Variants in MAST1 observed in about 807,000 individuals in gnomAD.
MAST1 encodes the protein microtubule-associated serine/threonine-protein kinase 1.
In MAST1, 40 loss-of-function variants were observed where a neutral mutation model predicts 124.6. The ratio of observed to expected loss-of-function variants is 0.32; its 90% CI spans 0.25 to 0.42. The LOEUF is 0.42. Ranked by LOEUF, MAST1 falls within the 10% of genes least tolerant of loss-of-function variation. The probability of loss-of-function intolerance (pLI) is 1.00; values close to 1 mark genes in which losing one functional copy is unlikely to be tolerated. For missense variants in MAST1, 1,558 were observed against 2,181.9 expected (o/e 0.71, Z 5.70); for synonymous variants, 938 against 939.4 (o/e 1.00, Z 0.03).
At position 12,858,924 on chromosome 19, in the gene MAST1, GGTTT is replaced by G. The variant is rs1393438374; in HGVS notation, c.1366+186_1366+189del. 6.3e-6 allele frequency: 4 copies of G among 630,542 alleles called. No homozygotes were observed. In the African/African-American group the frequency reaches 7.4e-5, roughly 12 times the overall value. 39.1% of individuals were successfully genotyped at this position (630,542 alleles called of 1,614,324 possible). ...CTATATATTTATTCAGTCATCTATT[GGTTT>G]ATTTGTTTTTCATTTCATTCAGCAT... On this transcript the variant is annotated intron_variant, in intron 12 of 25. Coordinates refer to ENST00000251472, the MANE Select transcript of MAST1 (RefSeq NM_014975.3).
chr19:12,863,917 C>T (rs577333017), intron 12 of MAST1, among the ~76,000 whole-genome samples: 19 of 141,746 alleles, frequency 1.3e-4, no homozygotes, highest in Admixed American at 5.9e-4. Context: ...CTCGTTTCTA[C>T]AAAAAACTTT....
Position 12,874,878 on chromosome 19 carries a change from G to A in MAST1, c.*8G>A, listed in dbSNP as rs751856473. On this transcript the variant is annotated 3_prime_UTR_variant, in exon 26 of 26. Transcript: ENST00000251472. This position sits in a 1 kb window ranked among gnomAD's most constrained non-coding sequence, Gnocchi z 6.6. ...GCACCCCCGGGACCATAGCCAAGGGGGTCATCGGCCCCGCGCTGTACAGCC... is the reference window on the plus strand; with the variant it reads ...GCACCCCCGGGACCATAGCCAAGGGAGTCATCGGCCCCGCGCTGTACAGCC... 20 of 1,592,942 alleles carry A rather than the reference G, an allele frequency of 1.3e-5. No individual in the cohort carries two copies. The South Asian group carries it at 1.9e-4, about 15-fold the overall frequency.
intron 24 of MAST1, among the ~76,000 whole-genome samples, chr19:12,871,379 C>A (rs893791734): frequency 6.6e-6 from 1 of 152,116 alleles, no homozygotes; most frequent in African/African-American, 2.4e-5. Context: ...GAGGCCGAGG[C>A]GGGCAGATCA....
chr19:12,838,590 G>A lies in MAST1; in HGVS notation c.18G>A (p.Trp6Ter), dbSNP rs754549142. 2 of 1,609,392 alleles carry A rather than the reference G, an allele frequency of 1.2e-6. No individual in the cohort carries two copies. Among genetic ancestry groups the A allele is most frequent in the Non-Finnish European group, 1.7e-6 (2 of 1,178,428 alleles). ...GCCGGGTCATGTCTGACTCTCTCTG[G>A]ACCGCGCTTTCTAATTTCTCGATGC... is the stretch of plus-strand genomic sequence containing the variant. MSDSL[W>*]TALSNFSMPS... The change falls in exon 1 of 26, where the codon TGG becomes TGA. Residue 6 changes from tryptophan to a stop codon, truncating the protein, a stop_gained. Transcript: ENST00000251472. LOFTEE classifies it high-confidence loss of function. This position sits in a 1 kb window ranked among gnomAD's most constrained non-coding sequence, Gnocchi z 4.3.
rs1970156555 is a variant in MAST1, at chr19:12,866,557, T to C, written c.2030-96T>C. 1.3e-6 allele frequency: 1 copy of C among 795,582 alleles called. No individual in the cohort carries two copies. The highest frequency in any genetic ancestry group is 1.6e-5 in the South Asian group (1 of 64,142). 49.3% of individuals were successfully genotyped at this position (795,582 alleles called of 1,614,324 possible). The stretch of plus-strand genomic sequence containing the variant: ...CAGGGGCGTGGCCTGACCTGAAGAC[T>C]TGTAAACCCGTCTTGAACCAGGACT... On this transcript the variant is annotated intron_variant, in intron 17 of 25. Coordinates refer to ENST00000251472, the MANE Select transcript of MAST1 (RefSeq NM_014975.3). This position sits in a 1 kb window ranked among gnomAD's most constrained non-coding sequence, Gnocchi z 5.2.
rs1166713060 is a variant in MAST1, at chr19:12,865,757, G to A, written c.1845G>A (p.Thr615=). ...CCGAGGGGGATGAGGCCCTACCTAC[G>A]GAGGCCCAACTCCTCATATCCAGCC... ...LWPEGDEALP[T]EAQLLISSLL... is the part of the protein sequence containing the mutation. The change falls in exon 16 of 26, where the codon ACG becomes ACA. Residue 615 remains threonine, a synonymous_variant. Transcript: ENST00000251472. This position sits in a 1 kb window ranked among gnomAD's most constrained non-coding sequence, Gnocchi z 7.1. 3 of 1,613,784 alleles carry A rather than the reference G, an allele frequency of 1.9e-6. No individual in the cohort carries two copies. Among genetic ancestry groups the A allele is most frequent in the Non-Finnish European group, 8.5e-7 (1 of 1,179,856 alleles).
intron 10 of MAST1, among the ~76,000 whole-genome samples, chr19:12,856,102 T>C (rs1344649878): frequency 6.6e-6 from 1 of 152,174 alleles, no homozygotes; most frequent in Non-Finnish European, 1.5e-5. Context: ...ATTTTTAGGC[T>C]ACATTCTTTG....
chr19:12,852,202 C>T lies in MAST1; in HGVS notation c.964C>T (p.Arg322Cys), dbSNP rs1277122500. The T allele has an allele frequency of 5.0e-6, 8 of 1,614,130 alleles. No individual in the cohort carries two copies. The highest frequency in any genetic ancestry group is 2.2e-5 in the East Asian group (1 of 44,884). ...CCACCTTGTGAAGACGGACATCCCC[C>T]GCTACATCATCCGCCAGCTGGGCCT... ...EGHLVKTDIPRYIIRQLGLTR... is the reference protein window; with the variant it reads ...EGHLVKTDIPCYIIRQLGLTR... The change falls in exon 9 of 26, where the codon CGC (arginine) becomes TGC (cysteine). Residue 322 changes from arginine (R) to cysteine (C), a missense_variant. Around this residue, in one of 10 missense-constraint regions of MAST1, gnomAD observed 136 missense variants for 160.9 expected, o/e 0.85. Transcript: ENST00000251472.
chr19:12,850,352 T>C (rs564646048), intron 7 of MAST1, among the ~76,000 whole-genome samples: 15 of 152,204 alleles, frequency 9.9e-5, no homozygotes, highest in African/African-American at 2.9e-4. Flanking sequence ...ACCCTGTCTC[T>C]ACAGTAAAAC....
chr19:12,847,283 T>C lies in MAST1; in HGVS notation c.328-7T>C. On this transcript the variant is annotated splice_region_variant and splice_polypyrimidine_tract_variant and intron_variant, in intron 4 of 25. Coordinates refer to ENST00000251472, the MANE Select transcript of MAST1 (RefSeq NM_014975.3). This position sits in a 1 kb window ranked among gnomAD's most constrained non-coding sequence, Gnocchi z 5.5. ...GGCTCTGACCCCGGCCCTGCCCCTG[T>C]CCCCAGTCCTCCTGCTCCTCCCAGG... 2 of 1,607,752 alleles carry C rather than the reference T, an allele frequency of 1.2e-6. No homozygotes were observed. Among genetic ancestry groups the C allele is most frequent in the Non-Finnish European group, 1.7e-6 (2 of 1,175,612 alleles).
intron 22 of MAST1, among the ~76,000 whole-genome samples, 164 bp downstream of exon 22, chr19:12,869,459 G>A (rs1293912380): frequency 6.6e-6 from 1 of 152,034 alleles, no homozygotes; most frequent in Non-Finnish European, 1.5e-5. Context: ...ATTTTAGGCG[G>A]AGACTCACTG....
At chr19:12,867,453 G>T (rs1362097515) in intron 18 of MAST1, 21 bp from the exon 19 acceptor site, 1 of 1,611,944 alleles carries the variant, frequency 6.2e-7, no homozygotes, top group Admixed American at 1.7e-5. Context: ...GGCTGGACTT[G>T]CCTCCCACCA....
At chr19:12,857,969 T>TACACTCC (rs1478188286) in intron 10 of MAST1, among the ~76,000 whole-genome samples, 1 of 116,404 alleles carries the variant, frequency 8.6e-6, no homozygotes, top group Non-Finnish European at 1.6e-5. Flanking sequence ...TGAGCACCAC[T>TACACTCC]ACACTCCAGT....
At chr19:12,845,655 T>TA (rs1054899077) in intron 4 of MAST1, among the ~76,000 whole-genome samples, 14 of 146,074 alleles carry the variant, frequency 9.6e-5, no homozygotes, top group African/African-American at 3.5e-4. Flanking sequence ...CCCAGCAATT[T>TA]TTTTTTTTTT....
rs552930455 is a variant in MAST1, at chr19:12,848,462, A to G, written c.774+405A>G. 1.1e-4 allele frequency: 20 copies of G among 180,042 alleles called. No homozygotes were observed. The East Asian group carries it at 3.0e-3, about 27-fold the overall frequency. The allele number at this position is 180,042 out of a possible 1,614,324, so 11.2% of individuals were successfully genotyped here. ...GTGACACCCCGTCTCTACTAAAAAC[A>G]CACACACACACAAAATTAGCCGGGC... On this transcript the variant is annotated intron_variant, in intron 7 of 25. Coordinates refer to ENST00000251472, the MANE Select transcript of MAST1 (RefSeq NM_014975.3).
intron 3 of MAST1, among the ~76,000 whole-genome samples, chr19:12,842,872 C>T (rs1969849003): frequency 6.6e-6 from 1 of 152,068 alleles, no homozygotes. Flanking sequence ...GAGTGCATGT[C>T]TGGTCTTGCA....
At position 12,853,505 on chromosome 19, in the gene MAST1, A is replaced by G. The variant is rs1969987012; in HGVS notation, c.1077+1110A>G. 2.6e-5 allele frequency among the ~76,000 whole-genome samples: 4 copies of G among 151,910 alleles called. No individual in the cohort carries two copies. In the South Asian group the frequency reaches 6.2e-4, roughly 24 times the overall value. ...CAGGAAGTCAAGGCTTCAGTAAGCC[A>G]TGATCACACCACTGCACTCCAGCCT... On this transcript the variant is annotated intron_variant, in intron 10 of 25. Coordinates refer to ENST00000251472, the MANE Select transcript of MAST1 (RefSeq NM_014975.3).
intron 24 of MAST1, among the ~76,000 whole-genome samples, chr19:12,871,924 A>C (rs1970240517): frequency 6.6e-6 from 1 of 151,574 alleles, no homozygotes; most frequent in African/African-American, 2.4e-5. Flanking sequence ...AAAAAAAAAA[A>C]AAAAAAAAAA....
chr19:12,870,750 CT>C (rs1386527874), intron 22 of MAST1, 73 bp from the exon 23 acceptor site: 1 of 1,470,504 alleles, frequency 6.8e-7, no homozygotes, highest in African/African-American at 1.4e-5. Flanking sequence ...GCTAAGTGTC[CT>C]GCATATAAGT....
Sources: allele counts gnomAD v4.1 joint callset (sites outside exome capture counted in the v4.1 genomes callset), GRCh38; gene constraint gnomAD v4.1.1; regional missense constraint gnomAD v4.1.1; non-coding constraint Gnocchi (gnomAD v3.1); transcripts MANE v1.5; gene names NCBI Gene and HGNC (gene_info 2026-07-23, HGNC 2026-07-21).